PARP11: variants seen among roughly 807,000 people sequenced by gnomAD.
The protein encoded by PARP11 is poly(ADP-ribose) polymerase family member 11.
PARP11 carries 31 observed loss-of-function variants against 42.9 expected under a neutral mutation model. The ratio of observed to expected loss-of-function variants is 0.72; its 90% CI spans 0.54 to 0.98. The LOEUF is 0.98. Ranked by LOEUF, PARP11 falls within the 50% of genes least tolerant of loss-of-function variation. PARP11 has a pLI of 0.00. For synonymous variants in PARP11, 137 were observed against 127.3 expected (o/e 1.08, Z -0.51); for missense variants, 365 against 413.1 (o/e 0.88, Z 1.01).
intron 1 of PARP11, among the ~76,000 whole-genome samples, chr12:3,836,719 C>A (rs766389449): frequency 6.6e-6 from 1 of 152,174 alleles, no homozygotes; most frequent in Non-Finnish European, 1.5e-5. Flanking sequence ...CCAAGATTAT[C>A]GCCAGCAATA....
chr12:3,865,215 C>G (rs1948369875), intron 1 of PARP11, among the ~76,000 whole-genome samples: 1 of 152,112 alleles, frequency 6.6e-6, no homozygotes, highest in African/African-American at 2.4e-5. Flanking sequence ...GAAAGTACAT[C>G]TTGCTTGACT....
At chr12:3,816,401 T>G (rs1235973190) in intron 6 of PARP11, among the ~76,000 whole-genome samples, 1 of 152,224 alleles carries the variant, frequency 6.6e-6, no homozygotes, top group Non-Finnish European at 1.5e-5. Context: ...CATGCATGCC[T>G]TTCGAGTTAC....
chr12:3,842,084 A>G, intron 1 of PARP11: 5 of 1,608,570 alleles, frequency 3.1e-6, no homozygotes, highest in Non-Finnish European at 3.4e-6. Flanking sequence ...CTAAACAGAG[A>G]GAGAGAGAAA....
intron 4 of PARP11, among the ~76,000 whole-genome samples, chr12:3,822,598 C>CAAAAA (rs36089402): frequency 2.1e-5 from 2 of 93,254 alleles, no homozygotes; most frequent in African/African-American, 7.1e-5. Flanking sequence ...GACTCCGTCT[C>CAAAAA]AAAAAAAAAA....
At chr12:3,848,539 G>A (rs552371791) in intron 1 of PARP11, among the ~76,000 whole-genome samples, 9 of 152,052 alleles carry the variant, frequency 5.9e-5, no homozygotes, top group Admixed American at 6.5e-5. Context: ...AAGTCACCAC[G>A]AACATAGAAT....
intron 1 of PARP11, chr12:3,841,267 CTTCGA>C: frequency 1.5e-6 from 2 of 1,344,984 alleles, no homozygotes; most frequent in Non-Finnish European, 2.1e-6. Flanking sequence ...TAAGAATATT[CTTCGA>C]TTCTTCTTCA....
chr12:3,863,096 C>G (rs11519571), intron 1 of PARP11, among the ~76,000 whole-genome samples: 8,820 of 152,194 alleles, frequency 0.058, 334 homozygotes, highest in East Asian at 0.18. Flanking sequence ...TTTTATGCTA[C>G]TTTCAGGCTT....
chr12:3,867,913 C>T (rs1948418316), intron 1 of PARP11, among the ~76,000 whole-genome samples: 2 of 152,124 alleles, frequency 1.3e-5, no homozygotes, highest in African/African-American at 2.4e-5. Flanking sequence ...AGAAATCTTC[C>T]GATAATTTTT....
chr12:3,857,417 T>C (rs904128694), intron 1 of PARP11, among the ~76,000 whole-genome samples: 2 of 152,184 alleles, frequency 1.3e-5, no homozygotes, highest in African/African-American at 2.4e-5. Context: ...AGAACAAGTC[T>C]ATAATGCCAA....
chr12:3,852,737 A>G lies in PARP11; in HGVS notation c.18+20475T>C, dbSNP rs147199477. 7.9e-3 allele frequency among the ~76,000 whole-genome samples: 1,206 copies of G among 152,278 alleles called. 10 individuals are homozygous for G. Among genetic ancestry groups the G allele is most frequent in the Non-Finnish European group, 0.014 (955 of 68,012 alleles). ...GATATTATCCAGGAGAACTTCCCCA[A>G]CCTAGCAAGGCAGGCCAACATTCAA... On this transcript the variant is annotated intron_variant, in intron 1 of 7. Transcript: ENST00000228820.
At chr12:3,849,012 T>C (rs1453500162) in intron 1 of PARP11, among the ~76,000 whole-genome samples, 1 of 149,962 alleles carries the variant, frequency 6.7e-6, no homozygotes, top group Non-Finnish European at 1.5e-5. Flanking sequence ...AAGACCTGAA[T>C]AGATATTTCT....
At chr12:3,822,659 G>C (rs1947425118) in intron 4 of PARP11, among the ~76,000 whole-genome samples, 1 of 150,964 alleles carries the variant, frequency 6.6e-6, no homozygotes, top group South Asian at 2.1e-4. Flanking sequence ...GTGTTCAATA[G>C]TGAACTTTTG....
rs113045445 is a variant in PARP11 at position 3,842,617 on chromosome 12, T to G, written c.19-12599A>C. 1.9e-5 allele frequency: 15 copies of G among 791,828 alleles called. 1 individual carries two copies. Among genetic ancestry groups the G allele is most frequent in the African/African-American group, 1.9e-4 (11 of 58,402 alleles). 49.1% of individuals were successfully genotyped at this position (791,828 alleles called of 1,614,324 possible). A position where few individuals can be genotyped will look rare whatever the true frequency, so the allele number is the denominator to read the frequency against. On this transcript the variant is annotated intron_variant, in intron 1 of 7. Transcript: ENST00000228820. ...AAGTAAAAACCCCAGTTGGAACTCTTTCCTCTCCCCAGCCTCCTTACCTTC... is the reference window on the plus strand; with the variant it reads ...AAGTAAAAACCCCAGTTGGAACTCTGTCCTCTCCCCAGCCTCCTTACCTTC...
At chr12:3,849,817 A>C (rs965547106) in intron 1 of PARP11, among the ~76,000 whole-genome samples, 5 of 152,200 alleles carry the variant, frequency 3.3e-5, no homozygotes, top group African/African-American at 1.2e-4. Context: ...CTAGAAGGGA[A>C]TAGTTTGAAT....
rs1376965497 is a variant in PARP11, at chr12:3,808,979, A to T, written c.*3144T>A. 6.6e-6 allele frequency: 1 copy of T among 152,102 alleles called. No individual in the cohort carries two copies. The highest frequency in any genetic ancestry group is 6.5e-5 in the Admixed American group (1 of 15,284). 9.4% of individuals were successfully genotyped at this position (152,102 alleles called of 1,614,324 possible). On this transcript the variant is annotated 3_prime_UTR_variant, in exon 8 of 8. Transcript: ENST00000228820. ...CAGTCTAGAAATGAAATGACACACT[A>T]ATATAAAACTTTCCTGTTTATAACT...
intron 1 of PARP11, among the ~76,000 whole-genome samples, chr12:3,848,655 A>C (rs534826270): frequency 6.6e-6 from 1 of 152,282 alleles, no homozygotes; most frequent in South Asian, 2.1e-4. Context: ...TAAAAAATCA[A>C]ATCAAAATGA....
intron 1 of PARP11, among the ~76,000 whole-genome samples, chr12:3,857,946 A>C (rs953660318): frequency 1.3e-5 from 2 of 152,240 alleles, no homozygotes; most frequent in South Asian, 4.1e-4. Context: ...GTGAACAGAG[A>C]TAAGGGTGTA....
chr12:3,857,584 T>G (rs1392135478), intron 1 of PARP11, among the ~76,000 whole-genome samples: 2 of 151,748 alleles, frequency 1.3e-5, no homozygotes, highest in Non-Finnish European at 2.9e-5. Context: ...AGGGAAAACC[T>G]CACGTCCTCA....
intron 1 of PARP11, among the ~76,000 whole-genome samples, chr12:3,867,107 A>G (rs575185406): frequency 6.6e-6 from 1 of 152,320 alleles, no homozygotes; most frequent in South Asian, 2.1e-4. Context: ...GAGCTATGAC[A>G]TAAGTTGAAA....
Sources: allele counts gnomAD v4.1 joint callset (sites outside exome capture counted in the v4.1 genomes callset), GRCh38; gene constraint gnomAD v4.1.1; transcripts MANE v1.5; gene names NCBI Gene and HGNC (gene_info 2026-07-23, HGNC 2026-07-21).